Variants in PRKG1 observed in about 807,000 individuals in gnomAD.
PRKG1 encodes the protein protein kinase cGMP-dependent 1.
Under a neutral mutation model 88.1 loss-of-function variants are expected in PRKG1, and 35 were observed. That is an observed-to-expected ratio of 0.40 (90% CI 0.30 to 0.53). PRKG1 has a LOEUF of 0.53. Ranked by LOEUF, PRKG1 falls within the 20% of genes least tolerant of loss-of-function variation. The pLI, the probability that PRKG1 is intolerant of heterozygous loss-of-function variation, is 0.59. For missense variants in PRKG1, 540 were observed against 839.8 expected (o/e 0.64, Z 4.41); for synonymous variants, 303 against 292.5 (o/e 1.04, Z -0.37).
intron 3 of PRKG1, among the ~76,000 whole-genome samples, chr10:51,647,864 G>C (rs893417757): frequency 6.6e-6 from 1 of 151,974 alleles, no homozygotes; most frequent in African/African-American, 2.4e-5. Context: ...ATAATTATTT[G>C]CCATAATGAT....
Position 52,290,226 on chromosome 10 carries a change from G to A in PRKG1, c.1898G>A (p.Trp633Ter). 6.2e-7 allele frequency: 1 copy of A among 1,612,480 alleles called. No homozygotes were observed. The highest frequency in any genetic ancestry group is 8.5e-7 in the Non-Finnish European group (1 of 1,179,110). Reference sequence around the variant, plus strand: ...ATCAACGTTTTTTCCTTTTCTAGATGGTTTGAGGGCTTTAACTGGGAAGGC... The same window carrying A: ...ATCAACGTTTTTTCCTTTTCTAGATAGTTTGAGGGCTTTAACTGGGAAGGC... ...NGVKDIQKHK[W>*]FEGFNWEGLR... The change falls in exon 17 of 18, where the codon TGG becomes TAG. Residue 633 changes from tryptophan to a stop codon, truncating the protein, a stop_gained and splice_region_variant. Transcript: ENST00000373980. LOFTEE classifies it high-confidence loss of function.
intron 8 of PRKG1, among the ~76,000 whole-genome samples, chr10:52,150,099 G>A (rs1413809298): frequency 6.6e-6 from 1 of 150,730 alleles, no homozygotes; most frequent in East Asian, 1.9e-4. Context: ...AGTGAGCCAA[G>A]ATCACCCCAC....
chr10:51,264,830 A>G (rs559813878), intron 2 of PRKG1, among the ~76,000 whole-genome samples: 12 of 152,312 alleles, frequency 7.9e-5, no homozygotes, highest in Admixed American at 4.6e-4. Context: ...GAGGGCTTTC[A>G]TGAACAGTTT....
At chr10:52,112,525 CA>C (rs1847587853) in intron 7 of PRKG1, among the ~76,000 whole-genome samples, 1 of 152,072 alleles carries the variant, frequency 6.6e-6, no homozygotes, top group East Asian at 1.9e-4. Flanking sequence ...TAATGAGCAC[CA>C]ATAAATCCAT....
chr10:52,170,109 TA>T (rs1838623778), intron 9 of PRKG1, among the ~76,000 whole-genome samples: 1 of 152,198 alleles, frequency 6.6e-6, no homozygotes, highest in Non-Finnish European at 1.5e-5. Flanking sequence ...CTAAGAGGAA[TA>T]AAAAGGTTTT....
intron 4 of PRKG1, among the ~76,000 whole-genome samples, chr10:51,877,817 C>CT (rs1841336945): frequency 6.6e-6 from 1 of 152,118 alleles, no homozygotes; most frequent in African/African-American, 2.4e-5. Flanking sequence ...AGTATATTCT[C>CT]TTTTTTCCCA....
At chr10:51,549,567 T>G (rs1379926618) in intron 3 of PRKG1, among the ~76,000 whole-genome samples, 2 of 152,148 alleles carry the variant, frequency 1.3e-5, no homozygotes, top group Non-Finnish European at 2.9e-5. Context: ...AAATGGTAGA[T>G]TACAATGTCC....
chr10:52,009,946 T>A (rs541278018), intron 5 of PRKG1, among the ~76,000 whole-genome samples: 86 of 152,256 alleles, frequency 5.6e-4, no homozygotes, highest in Middle Eastern at 3.4e-3. Flanking sequence ...CAATAAATGG[T>A]GCTGGGATAA....
At chr10:52,016,438 C>T (rs997265480) in intron 5 of PRKG1, among the ~76,000 whole-genome samples, 8 of 152,180 alleles carry the variant, frequency 5.3e-5, no homozygotes, top group Non-Finnish European at 1.0e-4. Flanking sequence ...CACCTCCCAC[C>T]AGATCACTCC....
chr10:51,742,121 T>C (rs1837450100), intron 3 of PRKG1, among the ~76,000 whole-genome samples: 1 of 152,182 alleles, frequency 6.6e-6, no homozygotes, highest in Admixed American at 6.6e-5. Flanking sequence ...TTCTTACTTC[T>C]AGTGTGGTCT....
At chr10:51,053,525 G>GA (rs1293301583) in intron 1 of PRKG1, among the ~76,000 whole-genome samples, 1 of 152,100 alleles carries the variant, frequency 6.6e-6, no homozygotes, top group African/African-American at 2.4e-5. Flanking sequence ...AGGTATACAT[G>GA]CATCACCCCC....
chr10:51,439,767 G>A (rs1325597406), intron 2 of PRKG1, among the ~76,000 whole-genome samples: 2 of 151,850 alleles, frequency 1.3e-5, no homozygotes, highest in African/African-American at 4.8e-5. Context: ...ATGCCATTCT[G>A]AACTGTTTGT....
At chr10:51,283,531 A>G (rs561097001) in intron 2 of PRKG1, among the ~76,000 whole-genome samples, 19 of 152,252 alleles carry the variant, frequency 1.2e-4, no homozygotes, top group African/African-American at 4.6e-4. Flanking sequence ...GATCAATGGC[A>G]GTAAGGCAGT....
intron 3 of PRKG1, among the ~76,000 whole-genome samples, chr10:51,800,778 G>A (rs1339144737): frequency 6.6e-6 from 1 of 151,946 alleles, no homozygotes; most frequent in African/African-American, 2.4e-5. Flanking sequence ...GCCTTTTCTT[G>A]GTGCTTGCAT....
At chr10:51,776,755 G>T (rs1838449567) in intron 3 of PRKG1, among the ~76,000 whole-genome samples, 1 of 152,132 alleles carries the variant, frequency 6.6e-6, no homozygotes, top group African/African-American at 2.4e-5. Flanking sequence ...GAACCCAGAG[G>T]TGCAGGCTGC....
intron 9 of PRKG1, among the ~76,000 whole-genome samples, chr10:52,187,447 T>C (rs1839227659): frequency 6.6e-6 from 1 of 152,116 alleles, no homozygotes; most frequent in Admixed American, 6.5e-5. Flanking sequence ...ATTACACTAG[T>C]AATATGATAC....
intron 10 of PRKG1, chr10:52,253,438 C>A (rs1002653021): frequency 4.0e-5 from 6 of 151,800 alleles, no homozygotes; most frequent in Non-Finnish European, 4.4e-5. Flanking sequence ...TCTAGAAGAT[C>A]CTCTGAAAAG....
At chr10:52,171,889 G>T (rs1429051007) in intron 9 of PRKG1, among the ~76,000 whole-genome samples, 1 of 134,554 alleles carries the variant, frequency 7.4e-6, no homozygotes, top group Non-Finnish European at 1.5e-5. Flanking sequence ...TGCAAGCTCC[G>T]CTTCCCGGGT....
intron 2 of PRKG1, among the ~76,000 whole-genome samples, chr10:51,220,967 A>G (rs1035329500): frequency 6.6e-5 from 10 of 152,096 alleles, no homozygotes; most frequent in African/African-American, 2.4e-4. Context: ...ATCTTATAGT[A>G]TAATATTTGT....
Sources: allele counts gnomAD v4.1 joint callset (sites outside exome capture counted in the v4.1 genomes callset), GRCh38; gene constraint gnomAD v4.1.1; transcripts MANE v1.5; gene names NCBI Gene and HGNC (gene_info 2026-07-23, HGNC 2026-07-21).